Variants in CNKSR3 observed in about 807,000 individuals in gnomAD.
CNKSR3 encodes the protein CNKSR family member 3.
CNKSR3 carries 36 observed loss-of-function variants against 67.7 expected under a neutral mutation model. The ratio of observed to expected loss-of-function variants is 0.53; its 90% CI spans 0.41 to 0.70. The LOEUF (loss-of-function observed/expected upper bound fraction) is 0.70. Ranked by LOEUF, CNKSR3 falls within the 30% of genes least tolerant of loss-of-function variation. CNKSR3 has a pLI of 0.00. For synonymous variants in CNKSR3, 281 were observed against 271.4 expected (o/e 1.04, Z -0.35); for missense variants, 630 against 695.2 (o/e 0.91, Z 1.05).
intron 11 of CNKSR3, 98 bp from the exon 12 acceptor site, chr6:154,410,530 C>CCCACTTAGACACA (rs1784889352): frequency 1.4e-6 from 1 of 717,012 alleles, no homozygotes; most frequent in Non-Finnish European, 2.5e-6. Flanking sequence ...CAATACCACA[C>CCCACTTAGACACA]CCACTTAGAC....
At chr6:154,459,119 G>A in intron 1 of CNKSR3, among the ~76,000 whole-genome samples, 1 of 147,430 alleles carries the variant, frequency 6.8e-6, no homozygotes, top group African/African-American at 2.5e-5. Flanking sequence ...GAAAGAAAGA[G>A]AAGAAAAAGA....
At chr6:154,406,782 A>G in intron 12 of CNKSR3, 130 bp from the exon 13 acceptor site, 1 of 740,168 alleles carries the variant, frequency 1.4e-6, no homozygotes, top group Non-Finnish European at 2.2e-6. Context: ...ATCCTGGCCA[A>G]CATGGTGAAA....
chr6:154,461,721 G>A (rs1211884069), intron 1 of CNKSR3, among the ~76,000 whole-genome samples: 6 of 152,148 alleles, frequency 3.9e-5, no homozygotes, highest in Non-Finnish European at 7.4e-5. Context: ...TATAGTAAGC[G>A]CTACTATTTA....
Position 154,502,230 on chromosome 6 carries a change from C to A in CNKSR3, c.52+7833G>T, listed in dbSNP as rs181589337. On this transcript the variant is annotated intron_variant, in intron 1 of 12. Coordinates refer to ENST00000607772, the MANE Select transcript of CNKSR3 (RefSeq NM_173515.4). ...TTTTGAGATGGAGTTTTGCTCTTGT[C>A]GCCCAGGTTGGAGTGCAGTGGCACG... 4.7e-3 allele frequency among the ~76,000 whole-genome samples: 704 copies of A among 149,330 alleles called. 3 individuals are homozygous for A. Among genetic ancestry groups the A allele is most frequent in the Non-Finnish European group, 7.5e-3 (508 of 67,586 alleles).
At position 154,399,510 on chromosome 6, in the gene CNKSR3, A is replaced by G. The variant is rs973197410; in HGVS notation, c.*6844T>C. The G allele has an allele frequency of 3.3e-5, 5 of 152,128 alleles. No individual in the cohort carries two copies. Among genetic ancestry groups the G allele is most frequent in the South Asian group, 2.1e-4 (1 of 4,830 alleles). The allele number at this position is 152,128 out of a possible 1,614,324, so 9.4% of individuals were successfully genotyped here. A position where few individuals can be genotyped will look rare whatever the true frequency, so the allele number is the denominator to read the frequency against. On this transcript the variant is annotated 3_prime_UTR_variant, in exon 13 of 13. Transcript: ENST00000607772. ...TCACCTGCTTCAAGTCACAGATCCC[A>G]TAAGTGGCAAAGTGAGACAGCTGGA...
In CNKSR3 at chr6:154,486,642, A is replaced by G. The variant is rs557961214; in HGVS notation, c.52+23421T>C. Among the ~76,000 whole-genome samples the G allele has an allele frequency of 1.1e-4, 15 of 137,890 alleles. 1 individual carries two copies. The highest frequency in any genetic ancestry group is 3.7e-4 in the African/African-American group (11 of 29,706). 90.5% of individuals were successfully genotyped at this position (137,890 alleles called of 152,430 possible). ...CAAGTAGCTGGGATTACAGGCACAC[A>G]CCACCACACCCAGCTAATCTTTTGT... On this transcript the variant is annotated intron_variant, in intron 1 of 12. Coordinates refer to ENST00000607772, the MANE Select transcript of CNKSR3 (RefSeq NM_173515.4).
chr6:154,510,168 G>T lies in CNKSR3; in HGVS notation c.-54C>A, dbSNP rs757681373. ...GGAGAGTCGCAGATAAAGTGCTGCT[G>T]CCTGCGCTCCGGTGCCCCTTCCCGG... On this transcript the variant is annotated 5_prime_UTR_variant, in exon 1 of 13. Transcript: ENST00000607772. 1.9e-6 allele frequency: 3 copies of T among 1,605,578 alleles called. No homozygotes were observed. Among genetic ancestry groups the T allele is most frequent in the Non-Finnish European group, 2.6e-6 (3 of 1,172,950 alleles).
chr6:154,454,108 G>C (rs879832468), intron 1 of CNKSR3, among the ~76,000 whole-genome samples: 13,363 of 35,422 alleles, frequency 0.38, 1,397 homozygotes, highest in African/African-American at 0.53. Context: ...CACACACAGA[G>C]AGAGAGAGAG....
In CNKSR3 at chr6:154,400,904, T is replaced by C. The variant is rs1220529285; in HGVS notation, c.*5450A>G. The C allele has an allele frequency of 6.6e-6, 1 of 152,204 alleles. No homozygotes were observed. The highest frequency in any genetic ancestry group is 1.5e-5 in the Non-Finnish European group (1 of 68,038). The allele number at this position is 152,204 out of a possible 1,614,324, so 9.4% of individuals were successfully genotyped here. On this transcript the variant is annotated 3_prime_UTR_variant, in exon 13 of 13. Coordinates refer to ENST00000607772, the MANE Select transcript of CNKSR3 (RefSeq NM_173515.4). ...AATTTTACAGTAAAGAGACTAATTT[T>C]TTTCTAATTCCATATGCTATAGGCT... is the stretch of plus-strand genomic sequence containing the variant.
intron 2 of CNKSR3, among the ~76,000 whole-genome samples, chr6:154,448,437 A>C (rs1785754518): frequency 7.1e-6 from 1 of 141,226 alleles, no homozygotes. Context: ...GTTTGTACAA[A>C]AAAAAAAAAA....
At chr6:154,457,850 T>C (rs1157208260) in intron 1 of CNKSR3, among the ~76,000 whole-genome samples, 1 of 152,138 alleles carries the variant, frequency 6.6e-6, no homozygotes, top group Non-Finnish European at 1.5e-5. Flanking sequence ...CTCAAGTCCT[T>C]TGGGACCCGT....
rs9397716 is a variant in CNKSR3 at position 154,406,274 on chromosome 6, T to C, written c.*80A>G. 0.2 allele frequency: 262,310 copies of C among 1,338,726 alleles called. 26,397 individuals are homozygous for C. Among genetic ancestry groups the C allele is most frequent in the East Asian group, 0.24 (9,458 of 40,072 alleles). The allele number at this position is 1,338,726 out of a possible 1,614,324, so 82.9% of individuals were successfully genotyped here. On this transcript the variant is annotated 3_prime_UTR_variant, in exon 13 of 13. Transcript: ENST00000607772. ...TAAGGTCCCTACATAATACTGAGGCTGAAACGAGAAGAGGCTGTCCACTGT... is the reference window on the plus strand; with the variant it reads ...TAAGGTCCCTACATAATACTGAGGCCGAAACGAGAAGAGGCTGTCCACTGT...
chr6:154,469,495 G>A (rs972684974), intron 1 of CNKSR3, among the ~76,000 whole-genome samples: 1 of 152,124 alleles, frequency 6.6e-6, no homozygotes, highest in African/African-American at 2.4e-5. Context: ...AAGGCTACGT[G>A]GGCACCATCA....
In CNKSR3 at chr6:154,439,445, C is replaced by G. The variant is rs1785537867; in HGVS notation, c.507+1847G>C. On this transcript the variant is annotated intron_variant, in intron 4 of 12. Coordinates refer to ENST00000607772, the MANE Select transcript of CNKSR3 (RefSeq NM_173515.4). ...CTTCACTTTCATCCCTTTCTCTCCT[C>G]TCCCTACATTGCAGTGGGGACAGCC... 2.0e-5 allele frequency among the ~76,000 whole-genome samples: 3 copies of G among 152,218 alleles called. No homozygotes were observed. The South Asian group carries it at 6.2e-4, about 32-fold the overall frequency.
chr6:154,461,245 G>A (rs1233496570), intron 1 of CNKSR3, among the ~76,000 whole-genome samples: 2 of 152,110 alleles, frequency 1.3e-5, no homozygotes, highest in South Asian at 2.1e-4. Flanking sequence ...ACAGAACCCG[G>A]ACCTCAACTG....
intron 1 of CNKSR3, among the ~76,000 whole-genome samples, chr6:154,505,856 G>A (rs751266444): frequency 4.6e-5 from 7 of 152,132 alleles, no homozygotes; most frequent in Non-Finnish European, 1.0e-4. Context: ...CCAAGGCTAG[G>A]ACAGTTCTGC....
intron 1 of CNKSR3, among the ~76,000 whole-genome samples, chr6:154,471,504 C>T (rs1464315867): frequency 6.6e-6 from 1 of 152,146 alleles, no homozygotes; most frequent in African/African-American, 2.4e-5. Context: ...CGCATCATTG[C>T]ACTCCAGCCA....
At chr6:154,480,087 T>C (rs760490873) in intron 1 of CNKSR3, among the ~76,000 whole-genome samples, 2 of 152,232 alleles carry the variant, frequency 1.3e-5, no homozygotes, top group African/African-American at 4.8e-5. Context: ...CGGAAAGTTA[T>C]CTATGGTGTA....
chr6:154,486,837 T>G lies in CNKSR3; in HGVS notation c.52+23226A>C, dbSNP rs1001242881. On this transcript the variant is annotated intron_variant, in intron 1 of 12. Coordinates refer to ENST00000607772, the MANE Select transcript of CNKSR3 (RefSeq NM_173515.4). Reference sequence around the variant, plus strand: ...ATATTTTTTAATTAAAAATTTTTACTTTTTTAAGTTAAAATAGAGACAGGG... The same window carrying G: ...ATATTTTTTAATTAAAAATTTTTACGTTTTTAAGTTAAAATAGAGACAGGG... Among the ~76,000 whole-genome samples, 11 of 152,300 alleles carry G rather than the reference T, an allele frequency of 7.2e-5. 3 individuals are homozygous for G. The highest frequency in any genetic ancestry group is 1.9e-4 in the East Asian group (1 of 5,184).
Sources: gnomAD v4.1 joint callset for allele counts (sites outside exome capture counted in the v4.1 genomes callset) on GRCh38, gnomAD v4.1.1 for gene constraint, MANE v1.5 for transcripts, NCBI Gene and HGNC (gene_info 2026-07-23, HGNC 2026-07-21) for gene names.